SAFB: variants seen among roughly 807,000 people sequenced by gnomAD.
SAFB encodes scaffold attachment factor B, also known as scaffold attachment factor B1.
Under a neutral mutation model 101.6 loss-of-function variants are expected in SAFB, and 15 were observed. The observed-to-expected ratio is 0.15, with a 90% CI of 0.10 to 0.23. The LOEUF (loss-of-function observed/expected upper bound fraction) is 0.23. SAFB is among the 10% of genes least tolerant of loss of function. The pLI is 1.00. For synonymous variants in SAFB, 449 were observed against 407.5 expected (o/e 1.10, Z -1.23); for missense variants, 930 against 1,104.1 (o/e 0.84, Z 2.23).
intron 5 of SAFB, 32 bp downstream of exon 5, chr19:5,645,431 A>T: frequency 9.5e-7 from 1 of 1,048,294 alleles, no homozygotes; most frequent in Non-Finnish European, 1.5e-6. Flanking sequence ...TACTTTTAGA[A>T]TGAAAGGTCA....
At chr19:5,628,990 C>G (rs906465264) in intron 2 of SAFB, among the ~76,000 whole-genome samples, 4 of 152,106 alleles carry the variant, frequency 2.6e-5, no homozygotes, top group East Asian at 3.9e-4. Context: ...GGAGGGTAGT[C>G]GCGCAGTCAT....
intron 7 of SAFB, 90 bp from the exon 8 acceptor site, chr19:5,649,836 A>T (rs1433514174): frequency 5.3e-6 from 6 of 1,132,408 alleles, no homozygotes; most frequent in Non-Finnish European, 8.0e-6. Flanking sequence ...AATTTCGGGT[A>T]GGTATGCAAC....
At chr19:5,641,071 T>C (rs1157074492) in intron 2 of SAFB, among the ~76,000 whole-genome samples, 4 of 152,044 alleles carry the variant, frequency 2.6e-5, no homozygotes, top group Admixed American at 2.6e-4. Flanking sequence ...GGTTTCACCA[T>C]GTTTTCCAGG....
rs541754798 is a variant in SAFB at position 5,653,231 on chromosome 19, G to A, written c.1410G>A (p.Thr470=). 58 of 1,614,144 alleles carry A rather than the reference G, an allele frequency of 3.6e-5. No individual in the cohort carries two copies. The South Asian group carries it at 4.9e-4, about 14-fold the overall frequency. The part of the protein sequence containing the change: ...ATKCINHLHK[T]ELHGKMISVE... ...AATGCATTAACCACCTGCACAAGAC[G>A]GAGCTCCACGGAAAGATGATCTCCG... is the stretch of plus-strand genomic sequence containing the variant. Residue 470 remains threonine (T), a synonymous_variant, in exon 10 of 21, where the codon ACG becomes ACA. Coordinates refer to ENST00000588852, the MANE Select transcript of SAFB (RefSeq NM_001201338.2).
chr19:5,661,726 C>T lies in SAFB; in HGVS notation c.2071C>T (p.Arg691Cys), dbSNP rs376690670. The T allele has an allele frequency of 6.3e-7, 1 of 1,595,170 alleles. No individual in the cohort carries two copies. The highest frequency in any genetic ancestry group is 1.1e-5 in the South Asian group (1 of 89,400). The change falls in exon 15 of 21, where the codon CGC becomes TGC. Residue 691 changes from arginine (R) to cysteine (C), a missense_variant. This residue lies in a region of SAFB where 159 missense variants were observed against 234.1 expected (regional missense o/e 0.68). Transcript: ENST00000588852. ...CGAGCAGGAGCGCATCCACCGTGAGCGCGAGGAGCTGAGGCGCCAGCAGGA... is the reference window on the plus strand; with the variant it reads ...CGAGCAGGAGCGCATCCACCGTGAGTGCGAGGAGCTGAGGCGCCAGCAGGA... The part of the protein sequence containing the change: ...RREQERIHRE[R>C]EELRRQQELR...
At chr19:5,647,553 G>A (rs1465026297) in intron 5 of SAFB, among the ~76,000 whole-genome samples, 1 of 152,144 alleles carries the variant, frequency 6.6e-6, no homozygotes, top group Non-Finnish European at 1.5e-5. Flanking sequence ...TTTTCATGCT[G>A]GCACCACCAT....
chr19:5,665,865 C>T (rs1180044086), intron 17 of SAFB: 1 of 152,168 alleles, frequency 6.6e-6, no homozygotes, highest in Non-Finnish European at 1.5e-5. Context: ...CTAAGGAGAG[C>T]TTATTTCAGG....
At chr19:5,635,213 G>A (rs962950785) in intron 2 of SAFB, among the ~76,000 whole-genome samples, 5 of 152,228 alleles carry the variant, frequency 3.3e-5, no homozygotes, top group Admixed American at 6.5e-5. Context: ...AGGTGTTGGA[G>A]ACAATAAATT....
At chr19:5,665,765 T>G (rs1427624483) in intron 17 of SAFB, 1 of 152,232 alleles carries the variant, frequency 6.6e-6, no homozygotes, top group Non-Finnish European at 1.5e-5. Flanking sequence ...AACATCTCCC[T>G]ACAGAGAAAA....
intron 2 of SAFB, among the ~76,000 whole-genome samples, chr19:5,636,110 G>A (rs1245702419): frequency 6.6e-6 from 1 of 151,972 alleles, no homozygotes; most frequent in East Asian, 1.9e-4. Context: ...CCCCTGAGAA[G>A]GATTTGGCTG....
intron 2 of SAFB, among the ~76,000 whole-genome samples, chr19:5,629,141 C>T (rs1309901303): frequency 6.6e-6 from 1 of 152,242 alleles, no homozygotes; most frequent in Non-Finnish European, 1.5e-5. Context: ...AAGTTGTTCA[C>T]AGTCGGGACA....
chr19:5,635,108 A>T (rs1355534348), intron 2 of SAFB, among the ~76,000 whole-genome samples: 1 of 152,124 alleles, frequency 6.6e-6, no homozygotes, highest in Non-Finnish European at 1.5e-5. Context: ...ATTGCACTCC[A>T]GCCTGGGCAA....
At chr19:5,641,272 ATAATTTT>A (rs1308730307) in intron 2 of SAFB, among the ~76,000 whole-genome samples, 4 of 152,228 alleles carry the variant, frequency 2.6e-5, no homozygotes, top group Non-Finnish European at 5.9e-5. Context: ...TTTGCAACAA[ATAATTTT>A]TCCCTCAAAC....
At chr19:5,661,402 C>T (rs1440075727) in intron 14 of SAFB, 116 bp from the exon 15 acceptor site, 1 of 1,526,282 alleles carries the variant, frequency 6.6e-7, no homozygotes, top group South Asian at 1.3e-5. Flanking sequence ...GTTCTGCAGA[C>T]CACGTAGTGG....
intron 1 of SAFB, chr19:5,623,997 C>A (rs1193784613): frequency 6.6e-6 from 1 of 152,342 alleles, no homozygotes; most frequent in Non-Finnish European, 1.5e-5. Flanking sequence ...GGTGAAGTAA[C>A]GTGGCAGGAA....
In SAFB at chr19:5,667,022, C is replaced by T. The variant is rs1476826064; in HGVS notation, c.2335-24C>T. 8.9e-6 allele frequency: 13 copies of T among 1,462,496 alleles called. No homozygotes were observed. The highest frequency in any genetic ancestry group is 2.3e-5 in the East Asian group (1 of 44,198). 90.6% of individuals were successfully genotyped at this position (1,462,496 alleles called of 1,614,324 possible). On this transcript the variant is annotated intron_variant, in intron 17 of 20. Coordinates refer to ENST00000588852, the MANE Select transcript of SAFB (RefSeq NM_001201338.2). The surrounding 1 kb of genome is among the most constrained non-coding windows in gnomAD (Gnocchi z 4.0). The stretch of plus-strand genomic sequence containing the variant: ...GGCGCTGACACTGAAGCTTTTTTTT[C>T]CCTTCTGGCTCTGTGATGTCCAGCA...
chr19:5,663,292 C>T (rs956082371), intron 15 of SAFB, among the ~76,000 whole-genome samples: 10 of 152,226 alleles, frequency 6.6e-5, no homozygotes, highest in African/African-American at 1.9e-4. Flanking sequence ...TGAGCCACTA[C>T]GCCCGGCAGT....
chr19:5,663,916 G>C, intron 15 of SAFB, 106 bp from the exon 16 acceptor site: 1 of 1,268,102 alleles, frequency 7.9e-7, no homozygotes, highest in Non-Finnish European at 1.1e-6. Context: ...CACTCTTGGT[G>C]AAAGTCATCC....
In SAFB at chr19:5,667,851, G is replaced by A; in HGVS notation, c.2589G>A (p.Gly863=). The A allele has an allele frequency of 1.2e-6, 2 of 1,612,450 alleles. No homozygotes were observed. The highest frequency in any genetic ancestry group is 1.1e-5 in the South Asian group (1 of 90,914). Reference sequence around the variant, plus strand: ...AGAGAAGCATGTCCGGTCACTCCGGGCCTGGCCACATGATGAACCGAGGAG... The same window carrying A: ...AGAGAAGCATGTCCGGTCACTCCGGACCTGGCCACATGATGAACCGAGGAG... ...GGERSMSGHS[G]PGHMMNRGGM... Residue 863 remains glycine, a synonymous_variant, in exon 20 of 21, where the codon GGG becomes GGA. Transcript: ENST00000588852. This position sits in a 1 kb window ranked among gnomAD's most constrained non-coding sequence, Gnocchi z 4.0.
Sources: gnomAD v4.1 joint callset for allele counts (sites outside exome capture counted in the v4.1 genomes callset) on GRCh38, gnomAD v4.1.1 for gene constraint, gnomAD v4.1.1 regional missense constraint, Gnocchi (gnomAD v3.1) non-coding constraint, MANE v1.5 for transcripts, NCBI Gene and HGNC (gene_info 2026-07-23, HGNC 2026-07-21) for gene names.